RBFOX1: variants seen among roughly 807,000 people sequenced by gnomAD.
RBFOX1 encodes the protein RNA binding fox-1 homolog 1.
Under a neutral mutation model 57.7 loss-of-function variants are expected in RBFOX1, and 8 were observed. The ratio of observed to expected loss-of-function variants is 0.14; its 90% CI spans 0.08 to 0.25. The LOEUF (loss-of-function observed/expected upper bound fraction) is 0.25. Ranked by LOEUF, RBFOX1 falls within the 10% of genes least tolerant of loss-of-function variation. The pLI is 1.00. For synonymous variants in RBFOX1, 326 were observed against 222.4 expected (o/e 1.47, Z -4.15); for missense variants, 611 against 548.5 (o/e 1.11, Z -1.14).
chr16:7,341,769 T>G (rs1240601410), intron 4 of RBFOX1, among the ~76,000 whole-genome samples: 2 of 73,916 alleles, frequency 2.7e-5, no homozygotes, highest in African/African-American at 1.2e-4. Flanking sequence ...CCTCCTTCCC[T>G]CCCTCCCTCC....
chr16:6,247,349 C>T (rs925228662), intron 1 of RBFOX1, among the ~76,000 whole-genome samples: 1 of 152,176 alleles, frequency 6.6e-6, no homozygotes, highest in Non-Finnish European at 1.5e-5. Flanking sequence ...CTTGTTCAGA[C>T]TTTGGCAGCT....
chr16:5,714,568 A>T (rs184908956), intron 3 of RBFOX1, among the ~76,000 whole-genome samples: 39 of 152,262 alleles, frequency 2.6e-4, no homozygotes, highest in Admixed American at 2.5e-3. Flanking sequence ...TTACAATCGA[A>T]TGTCACTGAG....
At chr16:6,023,297 C>G (rs1338215022) in intron 1 of RBFOX1, among the ~76,000 whole-genome samples, 1 of 151,258 alleles carries the variant, frequency 6.6e-6, no homozygotes, top group Non-Finnish European at 1.5e-5. Context: ...AGAACCTGCT[C>G]CTGTAAGGTT....
At chr16:5,663,071 T>C in intron 3 of RBFOX1, among the ~76,000 whole-genome samples, 1 of 151,912 alleles carries the variant, frequency 6.6e-6, no homozygotes, top group East Asian at 1.9e-4. Context: ...GGGCAGGGAG[T>C]GTGTTGCTGA....
chr16:5,477,598 A>C (rs936646058), intron 2 of RBFOX1, among the ~76,000 whole-genome samples: 2 of 152,068 alleles, frequency 1.3e-5, no homozygotes, highest in East Asian at 3.9e-4. Context: ...GTTCATTCTG[A>C]TTTTTGTCTA....
intron 1 of RBFOX1, among the ~76,000 whole-genome samples, chr16:6,191,812 G>C (rs1363445353): frequency 6.6e-6 from 1 of 152,114 alleles, no homozygotes; most frequent in Non-Finnish European, 1.5e-5. Context: ...TTGGAATGCA[G>C]GTATCGAGAC....
chr16:7,393,960 G>A (rs999522457), intron 4 of RBFOX1, among the ~76,000 whole-genome samples: 1 of 152,118 alleles, frequency 6.6e-6, no homozygotes, highest in African/African-American at 2.4e-5. Flanking sequence ...GAATGGCCTG[G>A]TGTGGTGGCT....
chr16:6,255,081 G>A (rs12448724), intron 1 of RBFOX1, among the ~76,000 whole-genome samples: 18,253 of 152,010 alleles, frequency 0.12, 1,528 homozygotes, highest in African/African-American at 0.23. Flanking sequence ...ATATGTCCGC[G>A]GACCTGTTTT....
chr16:7,085,819 T>C (rs1184996772), intron 4 of RBFOX1, among the ~76,000 whole-genome samples: 2 of 152,172 alleles, frequency 1.3e-5, no homozygotes, highest in Non-Finnish European at 1.5e-5. Context: ...TCAATCCTGG[T>C]TTGTTCAGAT....
At chr16:6,307,949 T>C (rs1190866901) in intron 1 of RBFOX1, among the ~76,000 whole-genome samples, 2 of 148,502 alleles carry the variant, frequency 1.3e-5, no homozygotes, top group Admixed American at 1.3e-4. Flanking sequence ...ATTTAGGTTG[T>C]TATTTACATA....
At chr16:7,440,194 C>A (rs374851219) in intron 4 of RBFOX1, among the ~76,000 whole-genome samples, 1 of 152,034 alleles carries the variant, frequency 6.6e-6, no homozygotes, top group Non-Finnish European at 1.5e-5. Context: ...CTGTGTCTGG[C>A]CCCAAATGTT....
intron 3 of RBFOX1, among the ~76,000 whole-genome samples, chr16:6,999,169 T>TTTTTATTTTATTTTATTTTA (rs71408491): frequency 1.2e-3 from 155 of 128,004 alleles, no homozygotes; most frequent in Middle Eastern, 4.0e-3. Context: ...GAGCCTGGCC[T>TTTTTATTTTATTTTATTTTA]TTTTATTTTA....
Position 7,165,963 on chromosome 16 carries a change from C to CACACACAT in RBFOX1, c.27+113868_27+113869insCACATACA, listed in dbSNP as rs1251061172. On this transcript the variant is annotated intron_variant, in intron 4 of 15. Coordinates refer to ENST00000550418, the MANE Select transcript of RBFOX1 (RefSeq NM_018723.4). ...ACACACACACACACACACACACACA[C>CACACACAT]ACATACATACATACACCCCAGATTT... 5.1e-3 allele frequency among the ~76,000 whole-genome samples: 392 copies of CACACACAT among 76,118 alleles called. 3 individuals carry two copies. The highest frequency in any genetic ancestry group is 0.012 in the African/African-American group (349 of 28,660). 49.9% of individuals were successfully genotyped at this position (76,118 alleles called of 152,430 possible). A position where few individuals can be genotyped will look rare whatever the true frequency, so the allele number is the denominator to read the frequency against.
chr16:6,142,305 T>A (rs546021554), intron 1 of RBFOX1, among the ~76,000 whole-genome samples: 1 of 135,720 alleles, frequency 7.4e-6, no homozygotes, highest in South Asian at 2.7e-4. Context: ...CACTGCAAGC[T>A]CCACCTCCTG....
chr16:6,587,260 G>T (rs568474684), intron 2 of RBFOX1, among the ~76,000 whole-genome samples: 1 of 151,268 alleles, frequency 6.6e-6, no homozygotes, highest in South Asian at 2.1e-4. Context: ...ACATACAAAT[G>T]AGATAATACA....
intron 2 of RBFOX1, among the ~76,000 whole-genome samples, chr16:5,512,090 T>C (rs1319323543): frequency 6.6e-6 from 1 of 152,172 alleles, no homozygotes; most frequent in Non-Finnish European, 1.5e-5. Flanking sequence ...TGATATGTCT[T>C]GTCCGGAGGA....
chr16:7,090,491 T>C (rs568622091), intron 4 of RBFOX1, among the ~76,000 whole-genome samples: 2 of 152,318 alleles, frequency 1.3e-5, no homozygotes, highest in Admixed American at 6.5e-5. Context: ...CAATTAAAAA[T>C]AGTGTGGCCC....
intron 3 of RBFOX1, among the ~76,000 whole-genome samples, chr16:6,669,225 C>A (rs902404668): frequency 6.6e-6 from 1 of 152,154 alleles, no homozygotes; most frequent in African/African-American, 2.4e-5. Context: ...GATGCAATAA[C>A]AACAGAATTC....
At chr16:7,511,238 T>G (rs1326864209) in intron 4 of RBFOX1, among the ~76,000 whole-genome samples, 1 of 152,248 alleles carries the variant, frequency 6.6e-6, no homozygotes, top group Non-Finnish European at 1.5e-5. Flanking sequence ...CCTTCAATTT[T>G]GAGCCAAAAG....
Sources: allele counts gnomAD v4.1 joint callset (sites outside exome capture counted in the v4.1 genomes callset), GRCh38; gene constraint gnomAD v4.1.1; transcripts MANE v1.5; gene names NCBI Gene and HGNC (gene_info 2026-07-23, HGNC 2026-07-21).